The following BLK variants were observed in gnomAD, a reference collection of about 807,000 sequenced individuals.
BLK encodes BLK proto-oncogene, Src family tyrosine kinase.
A neutral mutation model predicts 61.8 loss-of-function variants in BLK; 64 were observed. That is an observed-to-expected ratio of 1.03 (90% confidence interval 0.85 to 1.27). The LOEUF is 1.27. Ranked by LOEUF, BLK falls within the 50% of genes most tolerant of loss-of-function variation. The pLI, the probability that BLK is intolerant of heterozygous loss-of-function variation, is 0.00. For missense variants in BLK, 853 were observed against 660.5 expected (o/e 1.29, Z -3.19); for synonymous variants, 351 against 272.0 (o/e 1.29, Z -2.86).
At chr8:11,512,053 G>A (rs896055338) in intron 1 of BLK, among the ~76,000 whole-genome samples, 11 of 152,220 alleles carry the variant, frequency 7.2e-5, no homozygotes, top group Non-Finnish European at 5.9e-5. Flanking sequence ...GTGGTAAGAT[G>A]GGGCCTGAAA....
At chr8:11,530,300 G>A in intron 1 of BLK, among the ~76,000 whole-genome samples, 1 of 152,184 alleles carries the variant, frequency 6.6e-6, no homozygotes, top group Non-Finnish European at 1.5e-5. Flanking sequence ...TCCCAACAAA[G>A]CTTGGAGTTC....
At chr8:11,507,784 G>A (rs763527333) in intron 1 of BLK, among the ~76,000 whole-genome samples, 1 of 152,198 alleles carries the variant, frequency 6.6e-6, no homozygotes, top group Non-Finnish European at 1.5e-5. Context: ...CCTGAGGCCA[G>A]GAGAGCAGGG....
intron 1 of BLK, among the ~76,000 whole-genome samples, chr8:11,514,228 A>G (rs149441000): frequency 1.6e-4 from 25 of 152,314 alleles, no homozygotes; most frequent in Non-Finnish European, 2.5e-4. Context: ...CGGTTGCTCC[A>G]ATTCAGCTGA....
intron 7 of BLK, among the ~76,000 whole-genome samples, 158 bp from the exon 8 acceptor site, chr8:11,555,172 GAA>G (rs961693019): frequency 4.6e-5 from 7 of 152,294 alleles, no homozygotes; most frequent in East Asian, 1.9e-4. Flanking sequence ...CAAACGAAGA[GAA>G]AGAGTTGAGT....
intron 6 of BLK, among the ~76,000 whole-genome samples, chr8:11,550,892 T>C (rs922484): frequency 0.12 from 17,624 of 152,276 alleles, 1,175 homozygotes; most frequent in South Asian, 0.19. Context: ...GAAGTATGAA[T>C]GTGTAATTCT....
At chr8:11,556,867 G>C in intron 9 of BLK, 30 bp downstream of exon 9, 1 of 1,610,624 alleles carries the variant, frequency 6.2e-7, no homozygotes, top group Non-Finnish European at 8.5e-7. Context: ...CGCATCCTCA[G>C]AGCGAGGCGG....
At chr8:11,521,908 G>A (rs1164961811) in intron 1 of BLK, among the ~76,000 whole-genome samples, 1 of 151,888 alleles carries the variant, frequency 6.6e-6, no homozygotes, top group East Asian at 1.9e-4. Context: ...CTATTTTTGA[G>A]CCTTTTCTTA....
At chr8:11,534,408 CA>C (rs967690089) in intron 1 of BLK, among the ~76,000 whole-genome samples, 1 of 152,002 alleles carries the variant, frequency 6.6e-6, no homozygotes, top group African/African-American at 2.4e-5. Context: ...GTTCCCCCCC[CA>C]AAAAAATTCA....
rs769394285 is a variant in BLK, at chr8:11,558,069, C to A, written c.1029+31C>A. On this transcript the variant is annotated intron_variant, in intron 10 of 12. Transcript: ENST00000259089. ...TGAAGTACCAGGTGCAGAGAAAGGG[C>A]GGCATGTGCCACCTGCTGCCCACAA... The A allele has an allele frequency of 3.7e-6, 6 of 1,606,582 alleles. No individual in the cohort carries two copies. In the East Asian group the frequency reaches 8.9e-5, roughly 24 times the overall value.
At chr8:11,511,138 C>T (rs1798988695) in intron 1 of BLK, among the ~76,000 whole-genome samples, 1 of 152,176 alleles carries the variant, frequency 6.6e-6, no homozygotes, top group African/African-American at 2.4e-5. Context: ...CCAAAGAAAC[C>T]TTGAAATTCA....
chr8:11,540,855 TA>T (rs2117433054), intron 1 of BLK, among the ~76,000 whole-genome samples: 1 of 16,470 alleles, frequency 6.1e-5, no homozygotes, highest in East Asian at 2.2e-3. Flanking sequence ...CTCAAGAAGA[TA>T]GAAAAAAAAA....
chr8:11,511,341 C>T (rs1387993223), intron 1 of BLK, among the ~76,000 whole-genome samples: 1 of 151,916 alleles, frequency 6.6e-6, no homozygotes, highest in African/African-American at 2.4e-5. Flanking sequence ...ATACCTAATG[C>T]TAAATGACCA....
chr8:11,530,019 T>C (rs945508134), intron 1 of BLK, among the ~76,000 whole-genome samples: 7 of 152,182 alleles, frequency 4.6e-5, no homozygotes, highest in African/African-American at 1.7e-4. Flanking sequence ...TGAAACATAA[T>C]TTTTCTCTCT....
chr8:11,556,461 A>T, intron 8 of BLK, 197 bp from the exon 9 acceptor site: 1 of 663,078 alleles, frequency 1.5e-6, no homozygotes, highest in Non-Finnish European at 2.7e-6. Context: ...ACATTCCTCC[A>T]CTGCCTGAGG....
At chr8:11,549,171 C>T (rs201225046) in intron 5 of BLK, 49 bp downstream of exon 5, 1 of 1,514,252 alleles carries the variant, frequency 6.6e-7, no homozygotes, top group African/African-American at 1.4e-5. Context: ...GTCACTGTTT[C>T]TGCTCCCTGG....
chr8:11,499,303 T>A (rs906107367), intron 1 of BLK, among the ~76,000 whole-genome samples: 12 of 152,320 alleles, frequency 7.9e-5, no homozygotes, highest in African/African-American at 2.9e-4. Flanking sequence ...GGCTCTACCA[T>A]CTAAGTTTTG....
At chr8:11,503,064 C>T (rs143422729) in intron 1 of BLK, among the ~76,000 whole-genome samples, 4 of 152,320 alleles carry the variant, frequency 2.6e-5, no homozygotes, top group African/African-American at 7.2e-5. Context: ...CCTCTTTGCA[C>T]AGATTGATAC....
intron 6 of BLK, among the ~76,000 whole-genome samples, chr8:11,552,312 T>C (rs556449676): frequency 1.3e-5 from 2 of 152,312 alleles, no homozygotes; most frequent in East Asian, 1.9e-4. Flanking sequence ...GAAGGGTGCA[T>C]TGGAAAGCTG....
rs1433989468 is a variant in BLK, at chr8:11,561,280, C to T, written c.1030-22C>T. The T allele has an allele frequency of 8.1e-6, 13 of 1,609,960 alleles. No individual in the cohort carries two copies. In the East Asian group the frequency reaches 1.6e-4, roughly 19 times the overall value. ...GCGTGGAGGCCCCCAGGCTGTCCTT[C>T]ACCATGTGCCTGTTCCCTCAGATTG... On this transcript the variant is annotated intron_variant, in intron 10 of 12. Coordinates refer to ENST00000259089, the MANE Select transcript of BLK (RefSeq NM_001715.3).
Sources: gnomAD v4.1 joint callset for allele counts (sites outside exome capture counted in the v4.1 genomes callset) on GRCh38, gnomAD v4.1.1 for gene constraint, MANE v1.5 for transcripts, NCBI Gene and HGNC (gene_info 2026-07-23, HGNC 2026-07-21) for gene names.